TRPS1: variants seen among roughly 807,000 people sequenced by gnomAD.
TRPS1 encodes zinc finger transcription factor Trps1.
In TRPS1, 6 loss-of-function variants were observed where a neutral mutation model predicts 101.2. The ratio of observed to expected loss-of-function variants is 0.06; its 90% CI spans 0.03 to 0.12. The LOEUF (loss-of-function observed/expected upper bound fraction) is 0.12. Among genes scored for constraint, TRPS1 ranks in the 10% least tolerant of loss-of-function variants. The pLI is 1.00. For synonymous variants in TRPS1, 578 were observed against 589.8 expected (o/e 0.98, Z 0.29); for missense variants, 1,363 against 1,567.0 (o/e 0.87, Z 2.20).
chr8:115,455,276 T>C (rs975542527), intron 5 of TRPS1, among the ~76,000 whole-genome samples: 1 of 152,220 alleles, frequency 6.6e-6, no homozygotes, highest in Non-Finnish European at 1.5e-5. Flanking sequence ...CCGTAAGACA[T>C]TTTGTCCAGT....
At chr8:115,608,956 C>A (rs1818101497) in intron 3 of TRPS1, among the ~76,000 whole-genome samples, 1 of 147,236 alleles carries the variant, frequency 6.8e-6, no homozygotes, top group African/African-American at 2.7e-5. Context: ...AGTGAATCTT[C>A]CCACCTTAGC....
intron 5 of TRPS1, among the ~76,000 whole-genome samples, chr8:115,520,606 T>A (rs2625678): frequency 1 from 151,925 of 151,926 alleles, 75,962 homozygotes; most frequent in Middle Eastern, 1. Context: ...AAAATAAAAA[T>A]GTAGGTGGCA....
At chr8:115,553,889 T>C (rs1816757368) in intron 5 of TRPS1, among the ~76,000 whole-genome samples, 1 of 152,152 alleles carries the variant, frequency 6.6e-6, no homozygotes, top group South Asian at 2.1e-4. Flanking sequence ...GTTCATGATA[T>C]TCCTCATACA....
intron 3 of TRPS1, among the ~76,000 whole-genome samples, chr8:115,606,946 A>G (rs959710210): frequency 1.3e-5 from 2 of 152,130 alleles, no homozygotes; most frequent in Admixed American, 1.3e-4. Flanking sequence ...CAAAGAAAGA[A>G]AGTATGCAAA....
intron 5 of TRPS1, among the ~76,000 whole-genome samples, chr8:115,533,436 G>GTTGTTTTTTTTT (rs1816187553): frequency 2.9e-5 from 1 of 34,986 alleles, no homozygotes; most frequent in Non-Finnish European, 5.3e-5. Flanking sequence ...CATGTAATCT[G>GTTGTTTTTTTTT]TTTTTTTTTT....
intron 1 of TRPS1, among the ~76,000 whole-genome samples, chr8:115,665,950 A>G (rs904736924): frequency 2.0e-5 from 3 of 152,224 alleles, no homozygotes; most frequent in African/African-American, 7.2e-5. Flanking sequence ...TCAGGAAGCC[A>G]TAAACATCAG....
At chr8:115,652,612 C>A (rs1050282103) in intron 1 of TRPS1, among the ~76,000 whole-genome samples, 1 of 152,148 alleles carries the variant, frequency 6.6e-6, no homozygotes, top group Non-Finnish European at 1.5e-5. Flanking sequence ...TACCTAAAAT[C>A]CATCCCTTGC....
intron 4 of TRPS1, among the ~76,000 whole-genome samples, chr8:115,596,001 T>G (rs2721926): frequency 0.68 from 103,274 of 151,590 alleles, 36,216 homozygotes; most frequent in African/African-American, 0.84. Context: ...GTATTATTTT[T>G]AAAAATATGA....
intron 1 of TRPS1, among the ~76,000 whole-genome samples, chr8:115,651,859 T>G (rs1176978978): frequency 2.0e-5 from 3 of 152,076 alleles, no homozygotes; most frequent in Non-Finnish European, 1.5e-5. Flanking sequence ...ATAGTAAGGA[T>G]AGACACATGA....
intron 5 of TRPS1, 124 bp downstream of exon 5, chr8:115,586,877 C>A: frequency 1.9e-6 from 3 of 1,553,754 alleles, no homozygotes; most frequent in South Asian, 2.3e-5. Context: ...GAGTATAAAT[C>A]CCCAGATTGA....
chr8:115,604,277 T>A lies in TRPS1; in HGVS notation c.1692A>T (p.Gln564His), dbSNP rs1280611880. ...TACACTTGTGAATGTTATGGAGCTG[T>A]TGATAATGACGGAGAAGTGGCCCCA... ...IVVGPLLRHY[Q>H]QLHNIHKCTI... Residue 564 changes from glutamine (Q) to histidine (H), a missense_variant, in exon 4 of 7, where the codon CAA becomes CAT. Physicochemically the swap from Gln to His is conservative, Grantham distance 24 (BLOSUM62 0). Coordinates refer to ENST00000395715, the MANE Select transcript of TRPS1 (RefSeq NM_014112.5). The surrounding 1 kb of genome is among the most constrained non-coding windows in gnomAD (Gnocchi z 4.1). 12 of 1,614,028 alleles carry A rather than the reference T, an allele frequency of 7.4e-6. No individual in the cohort carries two copies. In the Admixed American group the frequency reaches 1.3e-4, roughly 18 times the overall value.
chr8:115,619,756 C>A lies in TRPS1; in HGVS notation c.342G>T (p.Pro114=), dbSNP rs200131404. 3.1e-6 allele frequency: 5 copies of A among 1,614,150 alleles called. No individual in the cohort carries two copies. The highest frequency in any genetic ancestry group is 4.2e-6 in the Non-Finnish European group (5 of 1,180,030). The part of the protein sequence containing the change: ...PSKGGNFPSF[P]HDEVTDRNML... ...TATTTCTGTCTGTCACCTCATCATG[C>A]GGAAAGGAGGGAAAGTTTCCTCCCT... The change falls in exon 3 of 7, where the codon CCG becomes CCT. Residue 114 remains proline, a synonymous_variant. Coordinates refer to ENST00000395715, the MANE Select transcript of TRPS1 (RefSeq NM_014112.5).
At chr8:115,563,650 GTA>G (rs1702150102) in intron 5 of TRPS1, among the ~76,000 whole-genome samples, 1 of 152,102 alleles carries the variant, frequency 6.6e-6, no homozygotes, top group Admixed American at 6.6e-5. Flanking sequence ...CTTTAACAAT[GTA>G]AATCTTCCAT....
Position 115,620,276 on chromosome 8 carries a change from A to G in TRPS1, c.38-216T>C, listed in dbSNP as rs945964199. Among the ~76,000 whole-genome samples, 17 of 152,054 alleles carry G rather than the reference A, an allele frequency of 1.1e-4. 1 individual carries two copies. The highest frequency in any genetic ancestry group is 2.1e-4 in the Non-Finnish European group (14 of 68,008). ...TTACTTTTGTAACCAAGACTGGCTC[A>G]TTTATTATTTTAAGGTGGTTTTAGG... On this transcript the variant is annotated intron_variant, in intron 2 of 6. Transcript: ENST00000395715.
intron 5 of TRPS1, among the ~76,000 whole-genome samples, chr8:115,524,452 C>T (rs1210839709): frequency 6.6e-6 from 1 of 150,668 alleles, no homozygotes; most frequent in Non-Finnish European, 1.5e-5. Flanking sequence ...TCCTGAGTAG[C>T]TGGGATTACA....
chr8:115,508,885 T>A (rs1370703718), intron 5 of TRPS1, among the ~76,000 whole-genome samples: 7 of 151,974 alleles, frequency 4.6e-5, no homozygotes, highest in African/African-American at 1.7e-4. Flanking sequence ...CTTAAGACTT[T>A]GGGGCATCTT....
intron 5 of TRPS1, among the ~76,000 whole-genome samples, chr8:115,473,153 G>C (rs1354039789): frequency 6.6e-6 from 1 of 152,100 alleles, no homozygotes; most frequent in African/African-American, 2.4e-5. Context: ...TTCTCATATT[G>C]TTATAAAGAA....
chr8:115,638,591 C>T (rs1818823339), intron 1 of TRPS1, among the ~76,000 whole-genome samples: 1 of 152,042 alleles, frequency 6.6e-6, no homozygotes, highest in Admixed American at 6.6e-5. Flanking sequence ...GCAAAACTAC[C>T]CCTTTGCCAA....
At chr8:115,637,344 A>T (rs980580829) in intron 1 of TRPS1, 1 of 981,240 alleles carries the variant, frequency 1.0e-6, no homozygotes, top group East Asian at 1.1e-4. Context: ...AAAAGAAGAG[A>T]TTAGGAAAAC....
Sources: allele counts gnomAD v4.1 joint callset (sites outside exome capture counted in the v4.1 genomes callset), GRCh38; gene constraint gnomAD v4.1.1; non-coding constraint Gnocchi (gnomAD v3.1); transcripts MANE v1.5; gene names NCBI Gene and HGNC (gene_info 2026-07-23, HGNC 2026-07-21).